The following ATP10B variants were observed in gnomAD, a reference collection of about 807,000 sequenced individuals.
ATP10B encodes the protein phospholipid-transporting ATPase VB.
A neutral mutation model predicts 141.2 loss-of-function variants in ATP10B; 122 were observed. The ratio of observed to expected loss-of-function variants is 0.86; its 90% CI spans 0.75 to 1.00. The LOEUF (loss-of-function observed/expected upper bound fraction) is 1.00. Among genes scored for constraint, ATP10B ranks in the 50% least tolerant of loss-of-function variants. The pLI is 0.00. For missense variants in ATP10B, 1,876 were observed against 1,825.3 expected, an observed-to-expected ratio of 1.03 and a Z score of -0.51; for synonymous variants, 685 against 692.0, an observed-to-expected ratio of 0.99 and a Z score of 0.16.
the ATP10B span, among the ~76,000 whole-genome samples, chr5:160,904,800 C>T: frequency 6.6e-6 from 1 of 152,164 alleles, no homozygotes; most frequent in Non-Finnish European, 1.5e-5. Flanking sequence ...TTCATGGAGA[C>T]CTTATGCTTC....
At position 160,783,578 on chromosome 5, in the gene ATP10B, C is replaced by T. The variant is rs573409233; in HGVS notation, c.-331+1981G>A. ...TATATATGATACACACACACACACA[C>T]ACACACACACACACACACATACACA... On this transcript the variant is annotated intron_variant, in intron 2 of 25. Transcript: ENST00000327245. Among the ~76,000 whole-genome samples the T allele has an allele frequency of 6.8e-4, 88 of 129,588 alleles. 1 individual carries two copies. In the South Asian group the frequency reaches 0.025, roughly 36 times the overall value. The allele number at this position is 129,588 out of a possible 152,430, so 85.0% of individuals were successfully genotyped here.
chr5:160,681,474 T>C (rs1763396293), intron 6 of ATP10B, among the ~76,000 whole-genome samples: 1 of 152,170 alleles, frequency 6.6e-6, no homozygotes, highest in Non-Finnish European at 1.5e-5. Context: ...CTCTGTCCCT[T>C]GAGGATGAAC....
intron 24 of ATP10B, among the ~76,000 whole-genome samples, chr5:160,586,522 T>G (rs1755907116): frequency 6.6e-6 from 1 of 152,248 alleles, no homozygotes; most frequent in African/African-American, 2.4e-5. Flanking sequence ...CAAATGGTAT[T>G]TCTGGTTCTA....
intron 7 of ATP10B, among the ~76,000 whole-genome samples, chr5:160,664,137 C>T (rs1762165061): frequency 6.6e-6 from 1 of 152,150 alleles, no homozygotes; most frequent in Non-Finnish European, 1.5e-5. Context: ...GTAGAAAGCA[C>T]TAAGTTTCAT....
chr5:160,718,571 G>A (rs1472556277), intron 2 of ATP10B, among the ~76,000 whole-genome samples: 2 of 152,162 alleles, frequency 1.3e-5, no homozygotes, highest in Non-Finnish European at 2.9e-5. Flanking sequence ...GAGAGCTTTT[G>A]TGCTGCATGC....
At chr5:160,891,281 C>A in the ATP10B span, among the ~76,000 whole-genome samples, 1 of 152,142 alleles carries the variant, frequency 6.6e-6, no homozygotes, top group Non-Finnish European at 1.5e-5. Flanking sequence ...TAAGTTTAAT[C>A]ATGCTCTGGG....
intron 7 of ATP10B, among the ~76,000 whole-genome samples, chr5:160,667,923 T>A (rs1350689504): frequency 2.0e-5 from 3 of 151,340 alleles, no homozygotes; most frequent in Non-Finnish European, 4.4e-5. Context: ...CCTAGAACTT[T>A]AAAAAAAACA....
At chr5:160,590,085 A>C (rs1465316170) in intron 23 of ATP10B, among the ~76,000 whole-genome samples, 1 of 152,178 alleles carries the variant, frequency 6.6e-6, no homozygotes, top group African/African-American at 2.4e-5. Flanking sequence ...AGGCAAGTAC[A>C]AGGTACCCTG....
intron 6 of ATP10B, among the ~76,000 whole-genome samples, chr5:160,676,715 C>T (rs1399537918): frequency 6.6e-6 from 1 of 152,088 alleles, no homozygotes; most frequent in Non-Finnish European, 1.5e-5. Flanking sequence ...GTTATAGATA[C>T]CCTAGTGGAG....
the ATP10B span, among the ~76,000 whole-genome samples, chr5:160,860,616 C>G: frequency 3.9e-5 from 6 of 151,910 alleles, no homozygotes. Context: ...ACAGACTCAG[C>G]TAAAAAACAT....
At chr5:160,679,904 G>T (rs556709369) in intron 6 of ATP10B, among the ~76,000 whole-genome samples, 1 of 152,160 alleles carries the variant, frequency 6.6e-6, no homozygotes, top group African/African-American at 2.4e-5. Flanking sequence ...GGCTGGTATG[G>T]TTTCTAGATT....
chr5:160,644,329 G>T, intron 8 of ATP10B, 85 bp from the exon 9 acceptor site: 2 of 890,238 alleles, frequency 2.2e-6, no homozygotes, highest in Non-Finnish European at 3.8e-6. Context: ...TAGAAGTGGT[G>T]AGTGAACATG....
At chr5:160,586,607 G>A (rs558233833) in intron 24 of ATP10B, among the ~76,000 whole-genome samples, 14 of 152,294 alleles carry the variant, frequency 9.2e-5, no homozygotes, top group Admixed American at 5.9e-4. Context: ...GTGTAAAAGC[G>A]TTCCTATTTC....
At chr5:160,827,023 C>A (rs547849790) in intron 1 of ATP10B, among the ~76,000 whole-genome samples, 3 of 152,158 alleles carry the variant, frequency 2.0e-5, no homozygotes, top group Admixed American at 6.5e-5. Flanking sequence ...CTCAGAAGCA[C>A]GTGATCTTTG....
chr5:160,747,740 A>G (rs1254331327), intron 2 of ATP10B, among the ~76,000 whole-genome samples: 1 of 152,216 alleles, frequency 6.6e-6, no homozygotes, highest in Non-Finnish European at 1.5e-5. Context: ...CTGCTGTTTT[A>G]AGCCATCTGG....
chr5:160,873,204 A>G, the ATP10B span, among the ~76,000 whole-genome samples: 124 of 151,460 alleles, frequency 8.2e-4, no homozygotes, highest in African/African-American at 2.9e-3. Context: ...TTTCATATGA[A>G]TTTTAGAATT....
chr5:160,860,655 AC>A, the ATP10B span, among the ~76,000 whole-genome samples: 8 of 151,970 alleles, frequency 5.3e-5, no homozygotes, highest in Non-Finnish European at 1.2e-4. Flanking sequence ...TTAGTGGATA[AC>A]TTTTTGGTCC....
At chr5:160,891,021 A>G in the ATP10B span, among the ~76,000 whole-genome samples, 414 of 148,392 alleles carry the variant, frequency 2.8e-3, 12 homozygotes, top group Admixed American at 0.027. Context: ...GTGTGTGTGT[A>G]TGTATGTGCG....
rs779140378 is a variant in ATP10B at position 160,649,225 on chromosome 5, T to C, written c.707A>G (p.Asn236Ser). Residue 236 changes from asparagine to serine, a missense_variant, in exon 8 of 26, where the codon AAT (asparagine) becomes AGT (serine). Physicochemically the swap from Asn to Ser is conservative, Grantham distance 46 (BLOSUM62 1). Coordinates refer to ENST00000327245, the MANE Select transcript of ATP10B (RefSeq NM_025153.3). ...EVQFEPELFH[N>S]TIVCEKPNNH... is the part of the protein sequence containing the mutation. ...GTTGGGTTTCTCACACACGATGGTA[T>C]TGTGGAAAAGCTCTGGTTCGAACTG... The C allele has an allele frequency of 6.2e-6, 10 of 1,613,884 alleles. No individual in the cohort carries two copies. Among genetic ancestry groups the C allele is most frequent in the African/African-American group, 1.3e-5 (1 of 74,914 alleles).
Sources: gnomAD v4.1 joint callset for allele counts (sites outside exome capture counted in the v4.1 genomes callset) on GRCh38, gnomAD v4.1.1 for gene constraint, MANE v1.5 for transcripts, NCBI Gene and HGNC (gene_info 2026-07-23, HGNC 2026-07-21) for gene names.